Variants in WASHC5 observed in about 807,000 individuals in gnomAD.
WASHC5 encodes WASH complex subunit 5.
In WASHC5, 101 loss-of-function variants were observed where a neutral mutation model predicts 150.4. That is an observed-to-expected ratio of 0.67 (90% CI 0.57 to 0.79). WASHC5 has a LOEUF of 0.79. Ranked by LOEUF, WASHC5 falls within the 30% of genes least tolerant of loss-of-function variation. The pLI is 0.00. For synonymous variants in WASHC5, 467 were observed against 491.2 expected (o/e 0.95, Z 0.65); for missense variants, 1,195 against 1,396.3 (o/e 0.86, Z 2.30).
intron 26 of WASHC5, among the ~76,000 whole-genome samples, chr8:125,033,074 C>G (rs954416534): frequency 3.3e-5 from 5 of 152,056 alleles, no homozygotes; most frequent in African/African-American, 1.2e-4. Flanking sequence ...TGGCTCTACA[C>G]TAAAGATTTC....
intron 28 of WASHC5, among the ~76,000 whole-genome samples, chr8:125,025,761 T>G (rs1280399599): frequency 6.6e-6 from 1 of 151,996 alleles, no homozygotes; most frequent in Non-Finnish European, 1.5e-5. Context: ...TTTTTAATCT[T>G]AATCCCTTAA....
At position 125,070,319 on chromosome 8, in the gene WASHC5, AT is replaced by A. The variant is rs544445849; in HGVS notation, c.1151-2601del. On this transcript the variant is annotated intron_variant, in intron 9 of 28. Coordinates refer to ENST00000318410, the MANE Select transcript of WASHC5 (RefSeq NM_014846.4). ...GTGTGACTCACAATCAGATAGGTCAATCATTTGTTTCTGATAAATTACGACC... is the reference window on the plus strand; with the variant it reads ...GTGTGACTCACAATCAGATAGGTCAACATTTGTTTCTGATAAATTACGACC... 7.6e-4 allele frequency among the ~76,000 whole-genome samples: 116 copies of A among 152,370 alleles called. 1 individual carries two copies. The Middle Eastern group carries it at 0.017, about 22-fold the overall frequency.
At chr8:125,066,358 T>C (rs1481393207) in intron 10 of WASHC5, among the ~76,000 whole-genome samples, 1 of 152,166 alleles carries the variant, frequency 6.6e-6, no homozygotes, top group African/African-American at 2.4e-5. Context: ...AATATACTAG[T>C]AACCATACTG....
At chr8:125,085,903 GT>G (rs1484511888) in intron 1 of WASHC5, among the ~76,000 whole-genome samples, 4 of 152,132 alleles carry the variant, frequency 2.6e-5, no homozygotes, top group African/African-American at 9.7e-5. Context: ...ACAGACTTGA[GT>G]ACCCCTTCTT....
intron 20 of WASHC5, among the ~76,000 whole-genome samples, chr8:125,045,350 A>G (rs770486618): frequency 1.6e-4 from 25 of 152,206 alleles, no homozygotes; most frequent in Non-Finnish European, 3.1e-4. Context: ...TCATCCTCAT[A>G]ATAGCTCTGT....
chr8:125,068,424 G>T (rs1563628258), intron 9 of WASHC5, among the ~76,000 whole-genome samples: 1 of 152,308 alleles, frequency 6.6e-6, no homozygotes, highest in East Asian at 1.9e-4. Flanking sequence ...ACTGCTGGGG[G>T]AATTAAGTGT....
At position 125,084,002 on chromosome 8, in the gene WASHC5, T is replaced by C; in HGVS notation, c.-104A>G. The C allele has an allele frequency of 3.6e-6, 4 of 1,115,040 alleles. No homozygotes were observed. Among genetic ancestry groups the C allele is most frequent in the South Asian group, 1.3e-5 (1 of 74,582 alleles). 69.1% of individuals were successfully genotyped at this position (1,115,040 alleles called of 1,614,324 possible). On this transcript the variant is annotated 5_prime_UTR_variant, in exon 2 of 29. Coordinates refer to ENST00000318410, the MANE Select transcript of WASHC5 (RefSeq NM_014846.4). ...AGATGAAACCAGGTGTGCAGAGAGA[T>C]TGGCTCCTCCATTAAAGAACCTGTA...
chr8:125,043,584 C>T (rs985384429), intron 23 of WASHC5, among the ~76,000 whole-genome samples: 19 of 152,162 alleles, frequency 1.2e-4, no homozygotes, highest in Admixed American at 9.2e-4. Context: ...AGGCATTTTA[C>T]AAAGAGCCAG....
At chr8:125,058,828 TCC>T (rs1408011355) in intron 14 of WASHC5, among the ~76,000 whole-genome samples, 1 of 152,186 alleles carries the variant, frequency 6.6e-6, no homozygotes, top group African/African-American at 2.4e-5. Flanking sequence ...TCACCAATAT[TCC>T]CTGTTACTGT....
At chr8:125,039,652 T>G in intron 24 of WASHC5, 143 bp downstream of exon 24, 1 of 686,236 alleles carries the variant, frequency 1.5e-6, no homozygotes, top group South Asian at 1.6e-5. Flanking sequence ...GAAGACAGAT[T>G]TGATTATCCG....
chr8:125,051,501 C>T (rs1816236488), intron 17 of WASHC5, among the ~76,000 whole-genome samples: 1 of 152,216 alleles, frequency 6.6e-6, no homozygotes, highest in African/African-American at 2.4e-5. Context: ...ACACATTAAA[C>T]TACGTCAAGA....
chr8:125,074,228 G>T (rs961484487), intron 8 of WASHC5, among the ~76,000 whole-genome samples: 1 of 152,148 alleles, frequency 6.6e-6, no homozygotes, highest in Non-Finnish European at 1.5e-5. Flanking sequence ...AAAAATTAAT[G>T]ATCTGATGTT....
At chr8:125,080,502 GA>G (rs60364147) in intron 5 of WASHC5, among the ~76,000 whole-genome samples, 19,690 of 152,076 alleles carry the variant, frequency 0.13, 3,108 homozygotes, top group African/African-American at 0.38. Context: ...TGGTATTGCC[GA>G]AAAGTATAAT....
chr8:125,050,921 G>A (rs532423918), intron 17 of WASHC5, among the ~76,000 whole-genome samples: 4 of 152,232 alleles, frequency 2.6e-5, no homozygotes, highest in South Asian at 2.1e-4. Context: ...TTTCAAAGAC[G>A]GTGAATAAGG....
intron 23 of WASHC5, among the ~76,000 whole-genome samples, chr8:125,041,042 C>T (rs771086903): frequency 2.0e-5 from 3 of 152,172 alleles, no homozygotes; most frequent in Non-Finnish European, 4.4e-5. Flanking sequence ...AACTACAGTA[C>T]TTTAAAAGTA....
rs545742251 is a variant in WASHC5, at chr8:125,084,805, T to C, written c.-124-783A>G. 1.1e-3 allele frequency among the ~76,000 whole-genome samples: 166 copies of C among 152,354 alleles called. 1 individual carries two copies. Among genetic ancestry groups the C allele is most frequent in the African/African-American group, 3.8e-3 (158 of 41,578 alleles). On this transcript the variant is annotated intron_variant, in intron 1 of 28. Transcript: ENST00000318410. ...GAAGATGTTTAAACATCTCACCTTC[T>C]AGTCCAGTGGTTCTCAAGCCTGGCT...
chr8:125,055,008 C>A lies in WASHC5; in HGVS notation c.2097+583G>T, dbSNP rs77640875. On this transcript the variant is annotated intron_variant, in intron 17 of 28. Coordinates refer to ENST00000318410, the MANE Select transcript of WASHC5 (RefSeq NM_014846.4). Reference sequence around the variant, plus strand: ...ATATTTTTCTTGGATTTAAACAACTCTTTGATAAAACAGTACTAGCACCAC... The same window carrying A: ...ATATTTTTCTTGGATTTAAACAACTATTTGATAAAACAGTACTAGCACCAC... Among the ~76,000 whole-genome samples, 15 of 151,762 alleles carry A rather than the reference C, an allele frequency of 9.9e-5. No individual in the cohort carries two copies. The East Asian group carries it at 2.9e-3, about 29-fold the overall frequency.
At chr8:125,049,402 A>AT (rs1816171201) in intron 18 of WASHC5, among the ~76,000 whole-genome samples, 1 of 151,692 alleles carries the variant, frequency 6.6e-6, no homozygotes, top group South Asian at 2.1e-4. Flanking sequence ...CTACTAAAAA[A>AT]ATATAAAAAG....
chr8:125,084,876 T>C (rs1308593479), intron 1 of WASHC5, among the ~76,000 whole-genome samples: 1 of 152,234 alleles, frequency 6.6e-6, no homozygotes, highest in Non-Finnish European at 1.5e-5. Flanking sequence ...GTAAGTAGGT[T>C]AGAGGTAGTC....
Sources: gnomAD v4.1 joint callset for allele counts (sites outside exome capture counted in the v4.1 genomes callset) on GRCh38, gnomAD v4.1.1 for gene constraint, MANE v1.5 for transcripts, NCBI Gene and HGNC (gene_info 2026-07-23, HGNC 2026-07-21) for gene names.